The following TEK variants were observed in gnomAD, a reference collection of about 807,000 sequenced individuals.
TEK encodes the protein TEK receptor tyrosine kinase.
A neutral mutation model predicts 131.8 loss-of-function variants in TEK; 43 were observed. The observed-to-expected ratio is 0.33, with a 90% CI of 0.26 to 0.42. The LOEUF is 0.42. Ranked by LOEUF, TEK falls within the 10% of genes least tolerant of loss-of-function variation. The pLI is 1.00. For missense variants in TEK, 1,162 were observed against 1,384.4 expected, an observed-to-expected ratio of 0.84 and a Z score of 2.55; for synonymous variants, 580 against 491.6, an observed-to-expected ratio of 1.18 and a Z score of -2.38.
intron 1 of TEK, among the ~76,000 whole-genome samples, chr9:27,135,651 T>C (rs1822397193): frequency 6.6e-6 from 1 of 152,204 alleles, no homozygotes; most frequent in African/African-American, 2.4e-5. Flanking sequence ...ATTTTACAGA[T>C]GACCAATCTG....
At chr9:27,188,859 T>C (rs1824699047) in intron 9 of TEK, among the ~76,000 whole-genome samples, 2 of 152,126 alleles carry the variant, frequency 1.3e-5, no homozygotes, top group African/African-American at 4.8e-5. Flanking sequence ...GAATGTACAG[T>C]TCACGAAAAT....
chr9:27,150,309 A>G (rs1347161893), intron 1 of TEK, among the ~76,000 whole-genome samples: 1 of 152,160 alleles, frequency 6.6e-6, no homozygotes, highest in Non-Finnish European at 1.5e-5. Context: ...ATTGCCTGTT[A>G]TAAAGTGTAA....
intron 8 of TEK, among the ~76,000 whole-genome samples, chr9:27,184,559 G>T (rs1047828386): frequency 2.0e-5 from 3 of 152,166 alleles, no homozygotes; most frequent in Admixed American, 2.0e-4. Flanking sequence ...TCAGGTAGAA[G>T]AAGCCAATTG....
chr9:27,154,388 C>T (rs1823246784), intron 1 of TEK, among the ~76,000 whole-genome samples: 1 of 152,164 alleles, frequency 6.6e-6, no homozygotes, highest in Admixed American at 6.5e-5. Flanking sequence ...CGCCCAGCCT[C>T]CAGCTGCCCC....
chr9:27,153,275 C>T (rs980173504), intron 1 of TEK, among the ~76,000 whole-genome samples: 7 of 150,776 alleles, frequency 4.6e-5, no homozygotes, highest in Non-Finnish European at 7.4e-5. Flanking sequence ...GGTGAAACCC[C>T]GCCTCTACTA....
intron 7 of TEK, among the ~76,000 whole-genome samples, chr9:27,182,989 A>G (rs1286200092): frequency 6.6e-6 from 1 of 152,220 alleles, no homozygotes; most frequent in Non-Finnish European, 1.5e-5. Context: ...CATCTCTCGT[A>G]TATCTAAACT....
In TEK at chr9:27,190,551, C is replaced by G; in HGVS notation, c.1350C>G (p.Ala450=). 6.2e-7 allele frequency: 1 copy of G among 1,614,008 alleles called. No individual in the cohort carries two copies. The highest frequency in any genetic ancestry group is 8.5e-7 in the Non-Finnish European group (1 of 1,179,916). ...TAGTTCTTCCAAAGCCCCTGAATGC[C>G]CCAAACGTGATTGACACTGGACATA... ...SVKVLPKPLN[A]PNVIDTGHNF... The change falls in exon 10 of 23, where the codon GCC becomes GCG. Residue 450 remains alanine (A), a synonymous_variant. Transcript: ENST00000380036.
chr9:27,207,453 C>T (rs765470715), intron 15 of TEK, among the ~76,000 whole-genome samples: 2 of 152,324 alleles, frequency 1.3e-5, no homozygotes, highest in Non-Finnish European at 2.9e-5. Flanking sequence ...GACTTAAGGT[C>T]ATAAGAACTA....
At chr9:27,165,853 G>A (rs188685609) in intron 2 of TEK, among the ~76,000 whole-genome samples, 3 of 152,206 alleles carry the variant, frequency 2.0e-5, no homozygotes, top group African/African-American at 4.8e-5. Context: ...ACCACCAGGG[G>A]AGTCTGTGCA....
rs1411436564 is a variant in TEK, at chr9:27,158,096, T to A, written c.318T>A (p.Val106=). Reference sequence around the variant, plus strand: ...GTGCTTATTTCTGTGAAGGGCGAGTTCGAGGAGAGGCAATCAGGATACGAA... The same window carrying A: ...GTGCTTATTTCTGTGAAGGGCGAGTACGAGGAGAGGCAATCAGGATACGAA... ...INGAYFCEGR[V]RGEAIRIRTM... The change falls in exon 2 of 23, where the codon GTT becomes GTA. Residue 106 remains valine, a synonymous_variant. Transcript: ENST00000380036. 1 of 1,614,076 alleles carries A rather than the reference T, an allele frequency of 6.2e-7. No individual in the cohort carries two copies. Among genetic ancestry groups the A allele is most frequent in the South Asian group, 1.1e-5 (1 of 91,072 alleles).
chr9:27,161,174 A>G (rs1823533974), intron 2 of TEK, among the ~76,000 whole-genome samples: 1 of 152,250 alleles, frequency 6.6e-6, no homozygotes, highest in Non-Finnish European at 1.5e-5. Context: ...GATCACAGGT[A>G]AAGGATGGCT....
At chr9:27,162,927 G>A (rs1823595872) in intron 2 of TEK, among the ~76,000 whole-genome samples, 1 of 152,086 alleles carries the variant, frequency 6.6e-6, no homozygotes, top group South Asian at 2.1e-4. Context: ...TGTTGGCCGG[G>A]GTGGTCTCCA....
At chr9:27,130,547 CAATTCAAG>C (rs1822168352) in intron 1 of TEK, among the ~76,000 whole-genome samples, 1 of 148,336 alleles carries the variant, frequency 6.7e-6, no homozygotes, top group African/African-American at 2.5e-5. Context: ...TTTAAAGTGT[CAATTCAAG>C]AATAATAAAA....
intron 21 of TEK, among the ~76,000 whole-genome samples, chr9:27,222,512 C>T (rs1206520316): frequency 1.3e-5 from 2 of 152,132 alleles, no homozygotes; most frequent in African/African-American, 4.8e-5. Flanking sequence ...TAACAGTAGA[C>T]CTCTCTGTAG....
chr9:27,228,425 G>A (rs1237084268), intron 22 of TEK, 120 bp downstream of exon 22: 2 of 790,208 alleles, frequency 2.5e-6, no homozygotes, highest in Admixed American at 2.1e-5. Context: ...AAGTATTATA[G>A]AAACAAAGGA....
At position 27,183,377 on chromosome 9, in the gene TEK, AC is replaced by A. The variant is rs1428365892; in HGVS notation, c.1031-81del. 3.4e-6 allele frequency: 5 copies of A among 1,483,796 alleles called. No individual in the cohort carries two copies. In the Admixed American group the frequency reaches 8.4e-5, roughly 25 times the overall value. 91.9% of individuals were successfully genotyped at this position (1,483,796 alleles called of 1,614,324 possible). On this transcript the variant is annotated intron_variant, in intron 7 of 22. Transcript: ENST00000380036. ...AAAGTTCTTGCCCGGTGCATGACTT[AC>A]TAAAGTAGCTATTTTTATTATTACT...
chr9:27,208,832 C>T (rs1238943393), intron 15 of TEK, among the ~76,000 whole-genome samples: 2 of 152,198 alleles, frequency 1.3e-5, no homozygotes, highest in Non-Finnish European at 2.9e-5. Flanking sequence ...CCCATGGGGG[C>T]ATTTGGCAAT....
intron 1 of TEK, among the ~76,000 whole-genome samples, chr9:27,120,372 G>T (rs1224474332): frequency 6.6e-6 from 1 of 152,252 alleles, no homozygotes; most frequent in African/African-American, 2.4e-5. Flanking sequence ...TTTAGCTCAG[G>T]TGTTATATCT....
At chr9:27,113,604 TA>T (rs1821433990) in intron 1 of TEK, among the ~76,000 whole-genome samples, 1 of 149,326 alleles carries the variant, frequency 6.7e-6, no homozygotes, top group Non-Finnish European at 1.5e-5. Context: ...TAAAATAAAA[TA>T]AAATAAATAA....
Sources: gnomAD v4.1 joint callset for allele counts (sites outside exome capture counted in the v4.1 genomes callset) on GRCh38, gnomAD v4.1.1 for gene constraint, MANE v1.5 for transcripts, NCBI Gene and HGNC (gene_info 2026-07-23, HGNC 2026-07-21) for gene names.